SLC26A11: variants seen among roughly 807,000 people sequenced by gnomAD.
SLC26A11 encodes sodium-independent sulfate anion transporter.
A neutral mutation model predicts 62.2 loss-of-function variants in SLC26A11; 58 were observed. The ratio of observed to expected loss-of-function variants is 0.93; its 90% CI spans 0.76 to 1.16. The LOEUF is 1.16. Among genes scored for constraint, SLC26A11 ranks in the 50% most tolerant of loss-of-function variants. The probability of loss-of-function intolerance (pLI) is 0.00; values close to 1 mark genes in which losing one functional copy is unlikely to be tolerated. For missense variants in SLC26A11, 790 were observed against 794.3 expected (o/e 0.99, Z 0.06); for synonymous variants, 411 against 368.9 (o/e 1.11, Z -1.31).
chr17:80,222,884 A>T lies in SLC26A11; in HGVS notation c.427+37A>T. Reference sequence around the variant, plus strand: ...CCTTCTTGCCAAGGGGATGCCCTCGACCTCAGCATTTGCTTGTTTGCATTT... The same window carrying T: ...CCTTCTTGCCAAGGGGATGCCCTCGTCCTCAGCATTTGCTTGTTTGCATTT... On this transcript the variant is annotated intron_variant, in intron 4 of 17. Coordinates refer to ENST00000361193, the MANE Select transcript of SLC26A11 (RefSeq NM_001166347.2). The surrounding 1 kb of genome is among the most constrained non-coding windows in gnomAD (Gnocchi z 4.7). 1 of 1,601,368 alleles carries T rather than the reference A, an allele frequency of 6.2e-7. No homozygotes were observed.
In SLC26A11 at chr17:80,228,028, G is replaced by GGAC; in HGVS notation, c.736+68_736+69insGAC. 4.8e-6 allele frequency: 7 copies of GGAC among 1,456,602 alleles called. No individual in the cohort carries two copies. The highest frequency in any genetic ancestry group is 6.5e-6 in the Non-Finnish European group (7 of 1,071,292). The allele number at this position is 1,456,602 out of a possible 1,614,324, so 90.2% of individuals were successfully genotyped here. On this transcript the variant is annotated intron_variant, in intron 7 of 17. Coordinates refer to ENST00000361193, the MANE Select transcript of SLC26A11 (RefSeq NM_001166347.2). This position sits in a 1 kb window ranked among gnomAD's most constrained non-coding sequence, Gnocchi z 4.1. ...GGTTGGGGTCACTTGGGGAGTCCTA[G>GGAC]TCCCACCCTAGGGATTCTCACGTCA...
At position 80,227,897 on chromosome 17, in the gene SLC26A11, G is replaced by A. The variant is rs1011172266; in HGVS notation, c.673G>A (p.Val225Ile). Reference sequence around the variant, plus strand: ...GCTGATGCGGGACCACGTGCCTCCCGTCCACCCCGAGATGCCCCCTGGTGT... The same window carrying A: ...GCTGATGCGGGACCACGTGCCTCCCATCCACCCCGAGATGCCCCCTGGTGT... Reference protein sequence around the residue: ...LKLMRDHVPPVHPEMPPGVRL... With the variant: ...LKLMRDHVPPIHPEMPPGVRL... Residue 225 changes from valine to isoleucine, a missense_variant, in exon 7 of 18, where the codon GTC becomes ATC. Val to Ile is a conservative substitution (Grantham distance 29). Transcript: ENST00000361193. 6 of 1,601,618 alleles carry A rather than the reference G, an allele frequency of 3.7e-6. No homozygotes were observed. In the African/African-American group the frequency reaches 5.3e-5, roughly 14 times the overall value.
chr17:80,239,013 G>C (rs111340276), intron 9 of SLC26A11, among the ~76,000 whole-genome samples: 77 of 151,134 alleles, frequency 5.1e-4, no homozygotes, highest in African/African-American at 1.7e-3. Flanking sequence ...TTTTAGTAGA[G>C]ACAGGGTCTC....
intron 5 of SLC26A11, among the ~76,000 whole-genome samples, chr17:80,224,260 TGTGC>T (rs1437006926): frequency 6.8e-6 from 1 of 147,078 alleles, no homozygotes; most frequent in Non-Finnish European, 1.5e-5. Flanking sequence ...TGTGTGAGTG[TGTGC>T]GTGTGTGAGT....
chr17:80,251,440 G>A, intron 17 of SLC26A11, 39 bp downstream of exon 17: 2 of 1,611,438 alleles, frequency 1.2e-6, no homozygotes, highest in Non-Finnish European at 1.7e-6. Context: ...TGGTGATTTT[G>A]TAAAAATCAT....
At chr17:80,230,095 T>C (rs2042521402) in intron 7 of SLC26A11, among the ~76,000 whole-genome samples, 1 of 150,472 alleles carries the variant, frequency 6.6e-6, no homozygotes, top group Non-Finnish European at 1.5e-5. Context: ...CTTGGGAGGC[T>C]GAGGCAGGAG....
At chr17:80,221,426 GCCCCCCTGGGGAGGGGAGACCC>G in intron 2 of SLC26A11, 100 bp from the exon 3 acceptor site, 4 of 672,406 alleles carry the variant, frequency 5.9e-6, no homozygotes, top group Non-Finnish European at 9.8e-6. Context: ...AGAGCCGTTC[GCCCCCCTGGGGAGGGGAGACCC>G]ATAGTGACCT....
chr17:80,235,362 A>AT (rs1196551549), intron 7 of SLC26A11, among the ~76,000 whole-genome samples: 2 of 149,592 alleles, frequency 1.3e-5, no homozygotes, highest in African/African-American at 2.5e-5. Context: ...TTTATTTTTT[A>AT]TTTTTATTTT....
At position 80,223,253 on chromosome 17, in the gene SLC26A11, G is replaced by T. The variant is rs143824845; in HGVS notation, c.429G>T (p.Gly143=). ...IQLAMGVLRL[G]FLLDFISYPV... ...CGATGTCCCCTCTTGGCTGGCCAGGGTTCCTGCTGGACTTCATTTCCTACC... is the reference window on the plus strand; with the variant it reads ...CGATGTCCCCTCTTGGCTGGCCAGGTTTCCTGCTGGACTTCATTTCCTACC... The change falls in exon 5 of 18, where the codon GGG becomes GGT. Residue 143 remains glycine, a splice_region_variant and synonymous_variant. Coordinates refer to ENST00000361193, the MANE Select transcript of SLC26A11 (RefSeq NM_001166347.2). This position sits in a 1 kb window ranked among gnomAD's most constrained non-coding sequence, Gnocchi z 4.6. 231 of 1,613,970 alleles carry T rather than the reference G, an allele frequency of 1.4e-4. No individual in the cohort carries two copies. The highest frequency in any genetic ancestry group is 1.3e-4 in the Non-Finnish European group (148 of 1,179,996).
Position 80,246,797 on chromosome 17 carries a change from C to T in SLC26A11, c.1294+148C>T. 7 of 1,079,928 alleles carry T rather than the reference C, an allele frequency of 6.5e-6. No individual in the cohort carries two copies. The highest frequency in any genetic ancestry group is 9.2e-6 in the Non-Finnish European group (7 of 759,306). The allele number at this position is 1,079,928 out of a possible 1,614,324, so 66.9% of individuals were successfully genotyped here. On this transcript the variant is annotated intron_variant, in intron 13 of 17. Transcript: ENST00000361193. This position sits in a 1 kb window ranked among gnomAD's most constrained non-coding sequence, Gnocchi z 4.4. ...GTCCCGGAACAGAGAAGTGGATGGC[C>T]AGGAGATGGCCCCAGAGATGGTCCC...
At chr17:80,220,650 A>C (rs955958348) in intron 1 of SLC26A11, among the ~76,000 whole-genome samples, 154 bp downstream of exon 1, 1 of 151,778 alleles carries the variant, frequency 6.6e-6, no homozygotes, top group African/African-American at 2.4e-5. Context: ...CCGCGTCCCT[A>C]CCCGGGTCCC....
chr17:80,248,231 C>T lies in SLC26A11; in HGVS notation c.1396C>T (p.His466Tyr). 1.2e-6 allele frequency: 2 copies of T among 1,609,416 alleles called. No homozygotes were observed. Among genetic ancestry groups the T allele is most frequent in the Non-Finnish European group, 1.7e-6 (2 of 1,179,250 alleles). Residue 466 changes from histidine (H) to tyrosine (Y), a missense_variant, in exon 14 of 18, where the codon CAC becomes TAC. His to Tyr is a moderately conservative substitution (Grantham distance 83). Transcript: ENST00000361193. ...GALVSLLMLLHSAARPETKVS... is the reference protein window; with the variant it reads ...GALVSLLMLLYSAARPETKVS... ...CCTGGTGTCTCTGCTCATGCTCCTG[C>T]ACTCTGCAGCCAGGCCTGAGACCAA...
At position 80,223,150 on chromosome 17, in the gene SLC26A11, C is replaced by A; in HGVS notation, c.428-102C>A. ...CAGTCCTTAGCTGCGGTATCTGCTCCCCAATCCCACCCATTGCCACCTTCC... is the reference window on the plus strand; with the variant it reads ...CAGTCCTTAGCTGCGGTATCTGCTCACCAATCCCACCCATTGCCACCTTCC... On this transcript the variant is annotated intron_variant, in intron 4 of 17. Coordinates refer to ENST00000361193, the MANE Select transcript of SLC26A11 (RefSeq NM_001166347.2). The surrounding 1 kb of genome is among the most constrained non-coding windows in gnomAD (Gnocchi z 4.6). 9.0e-7 allele frequency: 1 copy of A among 1,109,754 alleles called. No individual in the cohort carries two copies. The allele number at this position is 1,109,754 out of a possible 1,614,324, so 68.7% of individuals were successfully genotyped here.
At position 80,251,363 on chromosome 17, in the gene SLC26A11, T is replaced by C. The variant is rs201189320; in HGVS notation, c.1691T>C (p.Leu564Pro). ...PVLRVLLSAD[L>P]KGFQYFSTLE... ...CTCCGTGTCCTGCTGTCCGCTGACC[T>C]GAAGGGGTTCCAGTACTTCTCTACC... Residue 564 changes from leucine to proline, a missense_variant, in exon 17 of 18, where the codon CTG becomes CCG. By Grantham distance (98) the Leu-to-Pro change is moderately conservative. Transcript: ENST00000361193. 6 of 1,614,126 alleles carry C rather than the reference T, an allele frequency of 3.7e-6. No homozygotes were observed. The highest frequency in any genetic ancestry group is 5.1e-6 in the Non-Finnish European group (6 of 1,179,992).
chr17:80,236,799 A>G, intron 7 of SLC26A11, 129 bp from the exon 8 acceptor site: 2 of 931,114 alleles, frequency 2.1e-6, no homozygotes, highest in Non-Finnish European at 3.3e-6. Context: ...CAGAGTGCAG[A>G]GTGAGGACTG....
At chr17:80,237,284 C>A (rs1308081377) in intron 8 of SLC26A11, 181 bp downstream of exon 8, 1 of 836,488 alleles carries the variant, frequency 1.2e-6, no homozygotes, top group Non-Finnish European at 1.8e-6. Flanking sequence ...TCAGCGAGCT[C>A]AGGGATGTCA....
At position 80,222,959 on chromosome 17, in the gene SLC26A11, ATGTG is replaced by A. The variant is rs1204139318; in HGVS notation, c.427+122_427+125del. On this transcript the variant is annotated intron_variant, in intron 4 of 17. Coordinates refer to ENST00000361193, the MANE Select transcript of SLC26A11 (RefSeq NM_001166347.2). The surrounding 1 kb of genome is among the most constrained non-coding windows in gnomAD (Gnocchi z 4.7). ...TGTGCGTGTTGGGGTGTGGGTATGTATGTGTGTGTGTGTAGGTGGGTGGGTGGTG... is the reference window on the plus strand; with the variant it reads ...TGTGCGTGTTGGGGTGTGGGTATGTATGTGTGTGTAGGTGGGTGGGTGGTG... 37 of 641,248 alleles carry A rather than the reference ATGTG, an allele frequency of 5.8e-5. No individual in the cohort carries two copies. The African/African-American group carries it at 5.9e-4, about 10-fold the overall frequency. 39.7% of individuals were successfully genotyped at this position (641,248 alleles called of 1,614,324 possible).
intron 9 of SLC26A11, among the ~76,000 whole-genome samples, chr17:80,241,299 G>A (rs773503229): frequency 1.2e-4 from 18 of 152,062 alleles, no homozygotes; most frequent in African/African-American, 2.2e-4. Flanking sequence ...TCACTCTGTC[G>A]CCCAGACTGG....
chr17:80,241,447 A>G (rs1254029358), intron 9 of SLC26A11, among the ~76,000 whole-genome samples: 1 of 152,060 alleles, frequency 6.6e-6, no homozygotes, highest in Non-Finnish European at 1.5e-5. Context: ...TTTTGTAGAG[A>G]TGAGATTTTG....
Sources: allele counts gnomAD v4.1 joint callset (sites outside exome capture counted in the v4.1 genomes callset), GRCh38; gene constraint gnomAD v4.1.1; non-coding constraint Gnocchi (gnomAD v3.1); transcripts MANE v1.5; gene names NCBI Gene and HGNC (gene_info 2026-07-23, HGNC 2026-07-21).